The following HNRNPUL2 variants were observed in gnomAD, a reference collection of about 807,000 sequenced individuals.
HNRNPUL2 encodes heterogeneous nuclear ribonucleoprotein U-like protein 2.
In HNRNPUL2, 27 loss-of-function variants were observed where a neutral mutation model predicts 102.2. The observed-to-expected ratio is 0.26, with a 90% CI of 0.19 to 0.36. The LOEUF is 0.36. HNRNPUL2 is among the 10% of genes least tolerant of loss of function. The pLI, the probability that HNRNPUL2 is intolerant of heterozygous loss-of-function variation, is 1.00. For missense variants in HNRNPUL2, 936 were observed against 981.1 expected (o/e 0.95, Z 0.61); for synonymous variants, 458 against 387.2 (o/e 1.18, Z -2.15).
chr11:62,727,312 C>G lies in HNRNPUL2; in HGVS notation c.-156G>C, dbSNP rs1182289929. Reference sequence around the variant, plus strand: ...CGCACGCACGCAGGAGCGGAGGCCGCGCACGGTCCCGCTGCGCAGTGTTTG... The same window carrying G: ...CGCACGCACGCAGGAGCGGAGGCCGGGCACGGTCCCGCTGCGCAGTGTTTG... On this transcript the variant is annotated 5_prime_UTR_variant, in exon 1 of 14. Transcript: ENST00000301785. The G allele has an allele frequency of 1.1e-6, 1 of 925,238 alleles. No homozygotes were observed. The allele number at this position is 925,238 out of a possible 1,614,324, so 57.3% of individuals were successfully genotyped here. A position where few individuals can be genotyped will look rare whatever the true frequency, so the allele number is the denominator to read the frequency against.
chr11:62,717,271 A>C, intron 10 of HNRNPUL2, 82 bp from the exon 11 acceptor site: 1 of 1,073,282 alleles, frequency 9.3e-7, no homozygotes, highest in Non-Finnish European at 1.4e-6. Flanking sequence ...TACAAGAAGC[A>C]TATGACTTTC....
In HNRNPUL2 at chr11:62,724,320, A is replaced by G. The variant is rs1178847514; in HGVS notation, c.645T>C (p.Tyr215=). ...DEKDEHGRAY[Y]EFREEAYHSR... ...TGTGGTAAGCCTCCTCTCGGAATTC[A>G]TAGTAAGCTCGGCCATGTTCATCCT... is the stretch of plus-strand genomic sequence containing the variant. The change falls in exon 2 of 14, where the codon TAT becomes TAC. Residue 215 remains tyrosine (Y), a synonymous_variant. Transcript: ENST00000301785. The G allele has an allele frequency of 1.2e-6, 2 of 1,614,172 alleles. No homozygotes were observed. Among genetic ancestry groups the G allele is most frequent in the Admixed American group, 3.3e-5 (2 of 60,022 alleles).
At position 62,727,181 on chromosome 11, in the gene HNRNPUL2, C is replaced by G; in HGVS notation, c.-25G>C. The G allele has an allele frequency of 7.1e-7, 1 of 1,411,794 alleles. No individual in the cohort carries two copies. Among genetic ancestry groups the G allele is most frequent in the Non-Finnish European group, 9.2e-7 (1 of 1,083,060 alleles). 87.5% of individuals were successfully genotyped at this position (1,411,794 alleles called of 1,614,324 possible). A position where few individuals can be genotyped will look rare whatever the true frequency, so the allele number is the denominator to read the frequency against. On this transcript the variant is annotated 5_prime_UTR_variant, in exon 1 of 14. Transcript: ENST00000301785. ...TCGCCGCCGCCGCCTCCTCCGCCTC[C>G]CGCCGCCTCCTCCCCTGCGAACCGT... is the stretch of plus-strand genomic sequence containing the variant.
chr11:62,726,268 T>A (rs1267770763), intron 1 of HNRNPUL2, among the ~76,000 whole-genome samples: 3 of 152,160 alleles, frequency 2.0e-5, no homozygotes. Context: ...TGGGCCTAGT[T>A]CTCCGTGTAA....
chr11:62,727,323 G>C lies in HNRNPUL2; in HGVS notation c.-167C>G. ...AGGAGCGGAGGCCGCGCACGGTCCCGCTGCGCAGTGTTTGCTTCTCCTTCG... is the reference window on the plus strand; with the variant it reads ...AGGAGCGGAGGCCGCGCACGGTCCCCCTGCGCAGTGTTTGCTTCTCCTTCG... On this transcript the variant is annotated 5_prime_UTR_variant, in exon 1 of 14. Transcript: ENST00000301785. 1.2e-6 allele frequency: 1 copy of C among 852,832 alleles called. No individual in the cohort carries two copies. The highest frequency in any genetic ancestry group is 1.5e-6 in the Non-Finnish European group (1 of 651,128). The allele number at this position is 852,832 out of a possible 1,614,324, so 52.8% of individuals were successfully genotyped here.
chr11:62,718,955 G>A (rs551060679), intron 10 of HNRNPUL2, among the ~76,000 whole-genome samples: 1 of 151,878 alleles, frequency 6.6e-6, no homozygotes, highest in Admixed American at 6.6e-5. Context: ...CTCCCGAGTA[G>A]CTGTGATTAC....
chr11:62,722,083 T>A, intron 7 of HNRNPUL2, 34 bp downstream of exon 7: 1 of 1,607,836 alleles, frequency 6.2e-7, no homozygotes, highest in Non-Finnish European at 8.5e-7. Context: ...CTGCAAAGCA[T>A]ACAACCTCAG....
rs955798408 is a variant in HNRNPUL2, at chr11:62,714,041, G to T, written c.*1258C>A. 1.3e-5 allele frequency: 2 copies of T among 152,138 alleles called. No individual in the cohort carries two copies. The highest frequency in any genetic ancestry group is 2.9e-5 in the Non-Finnish European group (2 of 68,066). 9.4% of individuals were successfully genotyped at this position (152,138 alleles called of 1,614,324 possible). ...CGCCCCAAAAGGAATTTTGTTTCTA[G>T]AAGTCGGGAAGGGGTGCTCCCTTTC... is the stretch of plus-strand genomic sequence containing the variant. On this transcript the variant is annotated 3_prime_UTR_variant, in exon 14 of 14. Transcript: ENST00000301785.
In HNRNPUL2 at chr11:62,722,147, T is replaced by C; in HGVS notation, c.1329A>G (p.Ala443=). Residue 443 remains alanine, a synonymous_variant, in exon 7 of 14, where the codon GCA becomes GCG. Transcript: ENST00000301785. The part of the protein sequence containing the change: ...AVPVEERVRT[A]VPPKTIEECE... ...ATTCCTCTATGGTCTTGGGAGGGAC[T>C]GCAGTGCGTACACGCTCCTCAACAG... The C allele has an allele frequency of 6.2e-7, 1 of 1,614,136 alleles. No individual in the cohort carries two copies. The highest frequency in any genetic ancestry group is 8.5e-7 in the Non-Finnish European group (1 of 1,180,034).
intron 7 of HNRNPUL2, 74 bp from the exon 8 acceptor site, chr11:62,722,016 T>A: frequency 6.2e-7 from 1 of 1,604,422 alleles, no homozygotes; most frequent in Non-Finnish European, 8.5e-7. Flanking sequence ...TTTAAGAACA[T>A]CCTCCCATTC....
At position 62,726,712 on chromosome 11, in the gene HNRNPUL2, G is replaced by A; in HGVS notation, c.445C>T (p.Leu149Phe). 1.2e-6 allele frequency: 2 copies of A among 1,600,722 alleles called. No homozygotes were observed. The highest frequency in any genetic ancestry group is 1.7e-6 in the Non-Finnish European group (2 of 1,179,574). ...GGVNGGEEQG[L>F]GKREEDEPEE... ...GGTTCGTCTTCCTCCCTCTTGCCGA[G>A]GCCCTGCTCTTCGCCACCATTTACC... is the stretch of plus-strand genomic sequence containing the variant. The change falls in exon 1 of 14, where the codon CTC becomes TTC. Residue 149 changes from leucine to phenylalanine, a missense_variant. Transcript: ENST00000301785.
rs1565165418 is a variant in HNRNPUL2, at chr11:62,726,972, C to G, written c.185G>C (p.Arg62Pro). ...GPGGACKAEP[R>P]PVAASGGGPG... Reference sequence around the variant, plus strand: ...GCCGCCGCCCGACGCGGCCACAGGCCGAGGCTCCGCCTTGCAGGCCCCGCC... The same window carrying G: ...GCCGCCGCCCGACGCGGCCACAGGCGGAGGCTCCGCCTTGCAGGCCCCGCC... The change falls in exon 1 of 14, where the codon CGG becomes CCG. Residue 62 changes from arginine (R) to proline (P), a missense_variant. Coordinates refer to ENST00000301785, the MANE Select transcript of HNRNPUL2 (RefSeq NM_001079559.3). 1 of 1,421,474 alleles carries G rather than the reference C, an allele frequency of 7.0e-7. No homozygotes were observed. The allele number at this position is 1,421,474 out of a possible 1,614,324, so 88.1% of individuals were successfully genotyped here. A position where few individuals can be genotyped will look rare whatever the true frequency, so the allele number is the denominator to read the frequency against.
intron 13 of HNRNPUL2, 29 bp downstream of exon 13, chr11:62,715,471 C>T (rs781608244): frequency 6.3e-6 from 10 of 1,586,382 alleles, no homozygotes; most frequent in Non-Finnish European, 8.7e-6. Context: ...CCCCCCTTCA[C>T]CCTGTGTCTA....
intron 12 of HNRNPUL2, 66 bp from the exon 13 acceptor site, chr11:62,715,673 C>T (rs2134767424): frequency 8.0e-7 from 1 of 1,247,546 alleles, no homozygotes; most frequent in East Asian, 2.3e-5. Flanking sequence ...CACCGTGACC[C>T]CCTTTTAAAT....
rs1565159736 is a variant in HNRNPUL2, at chr11:62,717,058, T to C, written c.1912A>G (p.Lys638Glu). The C allele has an allele frequency of 6.2e-7, 1 of 1,614,128 alleles. No individual in the cohort carries two copies. The highest frequency in any genetic ancestry group is 8.5e-7 in the Non-Finnish European group (1 of 1,180,026). ...CGGTTGTTTCGGCGATTTGTCCGCT[T>C]CTCGGAGGGGGGCAGAAGCTTCCTT... ...EARKLLPPSE[K>E]RTNRRNNRNK... The change falls in exon 11 of 14, where the codon AAG (lysine) becomes GAG (glutamate). Residue 638 changes from lysine to glutamate, a missense_variant. Physicochemically the swap from Lys to Glu is moderately conservative, Grantham distance 56. This residue lies in a region of HNRNPUL2 where 609 missense variants were observed against 713.0 expected (regional missense o/e 0.85). Coordinates refer to ENST00000301785, the MANE Select transcript of HNRNPUL2 (RefSeq NM_001079559.3).
intron 10 of HNRNPUL2, among the ~76,000 whole-genome samples, chr11:62,719,479 C>G (rs1421431177): frequency 6.6e-6 from 1 of 152,132 alleles, no homozygotes; most frequent in Non-Finnish European, 1.5e-5. Context: ...ACCAAGAAAA[C>G]AATGAGTCAA....
Position 62,721,831 on chromosome 11 carries a change from T to G in HNRNPUL2, c.1471A>C (p.Asn491His). The change falls in exon 8 of 14, where the codon AAT becomes CAT. Residue 491 changes from asparagine to histidine, a missense_variant. Physicochemically the swap from Asn to His is moderately conservative, Grantham distance 68. Around this residue, in one of 2 missense-constraint regions of HNRNPUL2, gnomAD observed 609 missense variants for 713.0 expected, o/e 0.85. Transcript: ENST00000301785. ...YNVLGAETVL[N>H]QMRMKGLEEP... ...CAACAGCAACTTACCCTCATTTGAT[T>G]GAGCACAGTCTCAGCTCCCAGGACA... is the stretch of plus-strand genomic sequence containing the variant. 1 of 1,614,206 alleles carries G rather than the reference T, an allele frequency of 6.2e-7. No individual in the cohort carries two copies. The highest frequency in any genetic ancestry group is 1.1e-5 in the South Asian group (1 of 91,086).
In HNRNPUL2 at chr11:62,726,938, C is replaced by CCCGCCCGGGCCG. The variant is rs1230162449; in HGVS notation, c.207_218dup (p.Gly70_Gly73dup). The CCCGCCCGGGCCG allele has an allele frequency of 3.9e-5, 58 of 1,483,118 alleles. No homozygotes were observed. The highest frequency in any genetic ancestry group is 2.8e-4 in the Admixed American group (12 of 43,026). The allele number at this position is 1,483,118 out of a possible 1,614,324, so 91.9% of individuals were successfully genotyped here. A position where few individuals can be genotyped will look rare whatever the true frequency, so the allele number is the denominator to read the frequency against. On this transcript the variant is annotated inframe_insertion, in exon 1 of 14. Coordinates refer to ENST00000301785, the MANE Select transcript of HNRNPUL2 (RefSeq NM_001079559.3). ...CCTCCTCTTCGTCCTCCTCCTCGTC[C>CCCGCCCGGGCCG]CCGCCCGGGCCGCCGCCCGACGCGG...
At chr11:62,718,713 A>AAG (rs55881201) in intron 10 of HNRNPUL2, among the ~76,000 whole-genome samples, 2 of 150,170 alleles carry the variant, frequency 1.3e-5, no homozygotes, top group Non-Finnish European at 3.0e-5. Flanking sequence ...AAAAAAAAAA[A>AAG]GCAGAATAAG....
Sources: allele counts gnomAD v4.1 joint callset (sites outside exome capture counted in the v4.1 genomes callset), GRCh38; gene constraint gnomAD v4.1.1; regional missense constraint gnomAD v4.1.1; transcripts MANE v1.5; gene names NCBI Gene and HGNC (gene_info 2026-07-23, HGNC 2026-07-21).